The following HIBCH variants were observed in gnomAD, a reference collection of about 807,000 sequenced individuals.
The protein encoded by HIBCH is 3-hydroxyisobutyryl-CoA hydrolase, mitochondrial.
HIBCH carries 50 observed loss-of-function variants against 58.2 expected under a neutral mutation model. That is an observed-to-expected ratio of 0.86 (90% CI 0.68 to 1.09). The LOEUF is 1.09. Ranked by LOEUF, HIBCH falls within the 50% of genes least tolerant of loss-of-function variation. The pLI, the probability that HIBCH is intolerant of heterozygous loss-of-function variation, is 0.00. For missense variants in HIBCH, 450 were observed against 449.7 expected, an observed-to-expected ratio of 1.00 and a Z score of -0.01; for synonymous variants, 151 against 146.9, an observed-to-expected ratio of 1.03 and a Z score of -0.20.
rs542720331 is a variant in HIBCH at position 190,264,158 on chromosome 2, T to A, written c.439-2924A>T. 6.6e-5 allele frequency among the ~76,000 whole-genome samples: 10 copies of A among 152,298 alleles called. No homozygotes were observed. In the East Asian group the frequency reaches 1.5e-3, roughly 23 times the overall value. ...GACTTCCCTTCACACTAAAATATTA[T>A]CATGGCTGATATGGTCCCATATGAT... On this transcript the variant is annotated intron_variant, in intron 6 of 13. Transcript: ENST00000359678.
At chr2:190,230,440 TA>T (rs1400635847) in intron 11 of HIBCH, among the ~76,000 whole-genome samples, 22 of 152,254 alleles carry the variant, frequency 1.4e-4, no homozygotes, top group African/African-American at 4.8e-4. Context: ...CTCACGCCTG[TA>T]ATCCCAGCAC....
At chr2:190,228,447 T>C (rs1409650230) in intron 11 of HIBCH, among the ~76,000 whole-genome samples, 1 of 151,152 alleles carries the variant, frequency 6.6e-6, no homozygotes, top group Non-Finnish European at 1.5e-5. Flanking sequence ...ATATACCTAA[T>C]GTAAATGATG....
At chr2:190,312,473 G>A (rs1688586085) in intron 1 of HIBCH, among the ~76,000 whole-genome samples, 1 of 152,166 alleles carries the variant, frequency 6.6e-6, no homozygotes, top group Non-Finnish European at 1.5e-5. Flanking sequence ...TAATGGAACT[G>A]ATAAACTGAC....
At chr2:190,251,067 A>C (rs1196414705) in intron 8 of HIBCH, among the ~76,000 whole-genome samples, 2 of 152,214 alleles carry the variant, frequency 1.3e-5, no homozygotes. Context: ...AAAAAGGGCC[A>C]TCCTTTGTAA....
intron 6 of HIBCH, among the ~76,000 whole-genome samples, chr2:190,282,957 G>A (rs909751067): frequency 3.3e-5 from 5 of 151,806 alleles, no homozygotes; most frequent in African/African-American, 1.2e-4. Context: ...TTAGAGTACA[G>A]ACTGAAAGCA....
At chr2:190,222,689 C>G (rs1268023506) in intron 11 of HIBCH, among the ~76,000 whole-genome samples, 1 of 152,204 alleles carries the variant, frequency 6.6e-6, no homozygotes, top group East Asian at 1.9e-4. Flanking sequence ...TAAACTAGTT[C>G]AACCATTGTG....
At position 190,319,440 on chromosome 2, in the gene HIBCH, T is replaced by C. The variant is rs537980416; in HGVS notation, c.35+276A>G. ...CCAACTTTTAAGAAAGGAAAGAAACTGAGGCCAAAAGAATTAAAGTCGTGT... is the reference window on the plus strand; with the variant it reads ...CCAACTTTTAAGAAAGGAAAGAAACCGAGGCCAAAAGAATTAAAGTCGTGT... On this transcript the variant is annotated intron_variant, in intron 1 of 13. Coordinates refer to ENST00000359678, the MANE Select transcript of HIBCH (RefSeq NM_014362.4). Among the ~76,000 whole-genome samples the C allele has an allele frequency of 2.8e-4, 42 of 152,200 alleles. No homozygotes were observed. In the South Asian group the frequency reaches 5.6e-3, roughly 20 times the overall value.
At position 190,208,898 on chromosome 2, in the gene HIBCH, G is replaced by C. The variant is rs1296383102; in HGVS notation, c.1027C>G (p.His343Asp). Residue 343 changes from histidine (H) to aspartate (D), a missense_variant, in exon 13 of 14, where the codon CAT becomes GAT. Coordinates refer to ENST00000359678, the MANE Select transcript of HIBCH (RefSeq NM_014362.4). ...SQACMRGHDFHEGVRAVLIDK... is the reference protein window; with the variant it reads ...SQACMRGHDFDEGVRAVLIDK... ...CACTTACCAGCTCTAACGCCTTCATGAAAGTCATGACCTCTCTGAAAGAAA... is the reference window on the plus strand; with the variant it reads ...CACTTACCAGCTCTAACGCCTTCATCAAAGTCATGACCTCTCTGAAAGAAA... 2.5e-6 allele frequency: 4 copies of C among 1,613,590 alleles called. No individual in the cohort carries two copies. Among genetic ancestry groups the C allele is most frequent in the East Asian group, 2.2e-5 (1 of 44,854 alleles).
chr2:190,296,273 A>G (rs2105991848), intron 3 of HIBCH, among the ~76,000 whole-genome samples: 1 of 152,262 alleles, frequency 6.6e-6, no homozygotes, highest in East Asian at 1.9e-4. Flanking sequence ...ACAAAAAATT[A>G]GCCGGGTGTG....
chr2:190,261,687 C>T (rs1475699818), intron 6 of HIBCH, among the ~76,000 whole-genome samples: 3 of 152,182 alleles, frequency 2.0e-5, no homozygotes, highest in Non-Finnish European at 4.4e-5. Context: ...CCTGGCCTAG[C>T]TGACCTCTTT....
In HIBCH at chr2:190,203,984, TTTG is replaced by T. The variant is rs1185015254; in HGVS notation, c.*1130_*1132del. 6 of 151,106 alleles carry T rather than the reference TTTG, an allele frequency of 4.0e-5. No individual in the cohort carries two copies. Among genetic ancestry groups the T allele is most frequent in the Non-Finnish European group, 7.4e-5 (5 of 67,242 alleles). The allele number at this position is 151,106 out of a possible 1,614,324, so 9.4% of individuals were successfully genotyped here. Reference sequence around the variant, plus strand: ...TACAAACAAAAAATTATAAATTTTGTTTGTTAATTTATAAACTTACCTTTAAAA... The same window carrying T: ...TACAAACAAAAAATTATAAATTTTGTTTAATTTATAAACTTACCTTTAAAA... On this transcript the variant is annotated 3_prime_UTR_variant, in exon 14 of 14. Coordinates refer to ENST00000359678, the MANE Select transcript of HIBCH (RefSeq NM_014362.4).
intron 6 of HIBCH, among the ~76,000 whole-genome samples, chr2:190,276,211 T>G (rs1341925592): frequency 6.6e-6 from 1 of 152,190 alleles, no homozygotes; most frequent in Non-Finnish European, 1.5e-5. Flanking sequence ...AGAACTATCA[T>G]GAAAAGTTAG....
chr2:190,269,466 T>TG (rs1491285602), intron 6 of HIBCH, among the ~76,000 whole-genome samples: 1 of 8,424 alleles, frequency 1.2e-4, no homozygotes, highest in Non-Finnish European at 3.2e-4. Flanking sequence ...AACAAACATA[T>TG]GAAAAAAGCT....
At chr2:190,251,777 A>T (rs1426567015) in intron 8 of HIBCH, among the ~76,000 whole-genome samples, 1 of 151,968 alleles carries the variant, frequency 6.6e-6, no homozygotes, top group African/African-American at 2.4e-5. Context: ...CGCTAGGGAA[A>T]CTCATAACCA....
intron 3 of HIBCH, among the ~76,000 whole-genome samples, chr2:190,295,863 T>C (rs1171531919): frequency 2.0e-5 from 3 of 152,220 alleles, no homozygotes; most frequent in Non-Finnish European, 4.4e-5. Context: ...AGGGGAAAAC[T>C]AGTATTTGTT....
At chr2:190,224,887 C>A (rs1399779176) in intron 11 of HIBCH, among the ~76,000 whole-genome samples, 4 of 152,160 alleles carry the variant, frequency 2.6e-5, no homozygotes, top group African/African-American at 9.7e-5. Context: ...TTGCACTCCT[C>A]AGCAAATGTA....
chr2:190,241,670 TC>T (rs1330771047), intron 11 of HIBCH, among the ~76,000 whole-genome samples: 2 of 152,208 alleles, frequency 1.3e-5, no homozygotes, highest in African/African-American at 2.4e-5. Context: ...AGTGACAAAA[TC>T]CCTCAGCATT....
In HIBCH at chr2:190,319,686, C is replaced by A. The variant is rs574495180; in HGVS notation, c.35+30G>T. 4.4e-6 allele frequency: 7 copies of A among 1,580,042 alleles called. No homozygotes were observed. The South Asian group carries it at 7.8e-5, about 18-fold the overall frequency. On this transcript the variant is annotated intron_variant, in intron 1 of 13. Coordinates refer to ENST00000359678, the MANE Select transcript of HIBCH (RefSeq NM_014362.4). ...ACTGTGGCGAGTGCCGCTGAAGAGC[C>A]TGCCCTTGGCCCCTCGCTCTCTCAC...
intron 7 of HIBCH, among the ~76,000 whole-genome samples, chr2:190,260,837 T>C (rs1219813178): frequency 1.3e-5 from 2 of 152,188 alleles, no homozygotes; most frequent in Non-Finnish European, 1.5e-5. Flanking sequence ...TGTCATATGA[T>C]AGTTTTGATC....
Sources: gnomAD v4.1 joint callset for allele counts (sites outside exome capture counted in the v4.1 genomes callset) on GRCh38, gnomAD v4.1.1 for gene constraint, MANE v1.5 for transcripts, NCBI Gene and HGNC (gene_info 2026-07-23, HGNC 2026-07-21) for gene names.